The following PAPPA2 variants were observed in gnomAD, a reference collection of about 807,000 sequenced individuals.
PAPPA2 encodes pappalysin-2.
A neutral mutation model predicts 176.4 loss-of-function variants in PAPPA2; 86 were observed. The ratio of observed to expected loss-of-function variants is 0.49; its 90% CI spans 0.41 to 0.58. The LOEUF (loss-of-function observed/expected upper bound fraction) is 0.58, where lower values mean the gene tolerates loss of function less well. Ranked by LOEUF, PAPPA2 falls within the 20% of genes least tolerant of loss-of-function variation. PAPPA2 has a pLI of 0.00. For synonymous variants in PAPPA2, 809 were observed against 852.2 expected, an observed-to-expected ratio of 0.95 and a Z score of 0.88; for missense variants, 2,073 against 2,256.9, an observed-to-expected ratio of 0.92 and a Z score of 1.65.
chr1:176,616,897 T>C, intron 3 of PAPPA2: 1 of 424,592 alleles, frequency 2.4e-6, no homozygotes, highest in Non-Finnish European at 4.4e-6. Flanking sequence ...CCACTTGAAA[T>C]TCTCAGTGCT....
At chr1:176,699,035 G>C (rs1660516174) in intron 7 of PAPPA2, 65 bp from the exon 8 acceptor site, 1 of 1,524,062 alleles carries the variant, frequency 6.6e-7, no homozygotes, top group South Asian at 1.3e-5. Context: ...TGGCTGCTAA[G>C]GGCTACTCAT....
intron 2 of PAPPA2, among the ~76,000 whole-genome samples, chr1:176,592,020 A>C (rs1273612056): frequency 2.6e-5 from 4 of 152,214 alleles, no homozygotes; most frequent in Non-Finnish European, 5.9e-5. Context: ...ATAAGCTCTC[A>C]ATATGGCTTC....
intron 1 of PAPPA2, among the ~76,000 whole-genome samples, chr1:176,518,601 A>G (rs1172389525): frequency 1.3e-5 from 2 of 152,236 alleles, no homozygotes; most frequent in Admixed American, 1.3e-4. Flanking sequence ...TTTGAAATCC[A>G]ATCAAGGGTC....
intron 15 of PAPPA2, among the ~76,000 whole-genome samples, chr1:176,766,825 G>C (rs1663990027): frequency 1.3e-5 from 2 of 151,318 alleles, no homozygotes; most frequent in African/African-American, 4.8e-5. Flanking sequence ...TGGTGCTCGA[G>C]GAAAAAAACA....
chr1:176,789,662 T>C (rs960381353), intron 17 of PAPPA2, 147 bp from the exon 18 acceptor site: 12 of 735,772 alleles, frequency 1.6e-5, no homozygotes, highest in Non-Finnish European at 2.4e-5. Context: ...GATTTAGAAA[T>C]TAGCCTAGGA....
At chr1:176,827,610 G>T (rs1268470730) in intron 21 of PAPPA2, among the ~76,000 whole-genome samples, 1 of 152,120 alleles carries the variant, frequency 6.6e-6, no homozygotes, top group Non-Finnish European at 1.5e-5. Flanking sequence ...TCTGGGAACT[G>T]ACCTTCCATT....
chr1:176,536,926 T>A (rs1650096055), intron 1 of PAPPA2, among the ~76,000 whole-genome samples: 1 of 152,188 alleles, frequency 6.6e-6, no homozygotes, highest in South Asian at 2.1e-4. Context: ...AATCAGTTCA[T>A]AACCCTATGA....
intron 1 of PAPPA2, among the ~76,000 whole-genome samples, chr1:176,469,950 C>T (rs1651797387): frequency 6.6e-6 from 1 of 152,168 alleles, no homozygotes; most frequent in Admixed American, 6.5e-5. Flanking sequence ...GTTGATACTC[C>T]TTACATGCCT....
In PAPPA2 at chr1:176,721,600, T is replaced by A. The variant is rs1661621497; in HGVS notation, c.3798+9619T>A. 2.0e-5 allele frequency among the ~76,000 whole-genome samples: 3 copies of A among 152,220 alleles called. No homozygotes were observed. The South Asian group carries it at 6.2e-4, about 32-fold the overall frequency. On this transcript the variant is annotated intron_variant, in intron 12 of 22. Transcript: ENST00000367662. ...TCCTTTGGAAGATGTTATCCCGTTATCTTTTCACTTCCATATTTTGGAGAG... is the reference window on the plus strand; with the variant it reads ...TCCTTTGGAAGATGTTATCCCGTTAACTTTTCACTTCCATATTTTGGAGAG...
At chr1:176,518,452 TA>T (rs368157026) in intron 1 of PAPPA2, among the ~76,000 whole-genome samples, 6,936 of 121,548 alleles carry the variant, frequency 0.057, 308 homozygotes, top group African/African-American at 0.15. Flanking sequence ...GCTTGACAGG[TA>T]AAAAAAAAAA....
chr1:176,723,708 A>G (rs1266967917), intron 12 of PAPPA2, among the ~76,000 whole-genome samples: 2 of 152,142 alleles, frequency 1.3e-5, no homozygotes, highest in African/African-American at 2.4e-5. Context: ...AAATTCTATC[A>G]TTTTAGTCTA....
chr1:176,655,061 T>A (rs1285654689), intron 3 of PAPPA2, among the ~76,000 whole-genome samples: 1 of 151,862 alleles, frequency 6.6e-6, no homozygotes, highest in East Asian at 1.9e-4. Context: ...TGCCTGTTTT[T>A]TATTTTTCTT....
At chr1:176,537,162 C>G (rs796974705) in intron 1 of PAPPA2, 33 of 152,282 alleles carry the variant, frequency 2.2e-4, no homozygotes, top group African/African-American at 7.7e-4. Context: ...TCTCCTAGAC[C>G]TGGCTAATAA....
At chr1:176,471,514 A>G (rs1558388908) in intron 1 of PAPPA2, among the ~76,000 whole-genome samples, 1 of 152,218 alleles carries the variant, frequency 6.6e-6, no homozygotes, top group Non-Finnish European at 1.5e-5. Flanking sequence ...CACTCGGTTA[A>G]CCATCAACCA....
At chr1:176,607,936 G>A (rs1283929806) in intron 3 of PAPPA2, among the ~76,000 whole-genome samples, 3 of 151,954 alleles carry the variant, frequency 2.0e-5, no homozygotes, top group Admixed American at 6.6e-5. Context: ...ATTTTTAAAA[G>A]CATGTTAAAG....
chr1:176,623,610 C>CTTTCTTTCTTT (rs1558479000), intron 3 of PAPPA2, among the ~76,000 whole-genome samples: 32 of 95,600 alleles, frequency 3.3e-4, no homozygotes, highest in African/African-American at 1.4e-3. Flanking sequence ...TTCCTTCCTT[C>CTTTCTTTCTTT]CTTCCTTCCT....
At chr1:176,696,310 G>C (rs541294337) in intron 7 of PAPPA2, among the ~76,000 whole-genome samples, 1 of 149,646 alleles carries the variant, frequency 6.7e-6, no homozygotes, top group Non-Finnish European at 1.5e-5. Context: ...AAGTCTGGGT[G>C]GGGGTGGGGG....
intron 17 of PAPPA2, among the ~76,000 whole-genome samples, chr1:176,783,552 A>C (rs890748289): frequency 6.6e-6 from 1 of 152,226 alleles, no homozygotes; most frequent in Non-Finnish European, 1.5e-5. Flanking sequence ...TAAGTTCTGG[A>C]AATTGGGAAA....
chr1:176,641,175 G>A (rs1657066429), intron 3 of PAPPA2, among the ~76,000 whole-genome samples: 2 of 151,558 alleles, frequency 1.3e-5, no homozygotes, highest in South Asian at 2.1e-4. Flanking sequence ...CTTTTGCTGT[G>A]CAGAAGCTCT....
Sources: gnomAD v4.1 joint callset for allele counts (sites outside exome capture counted in the v4.1 genomes callset) on GRCh38, gnomAD v4.1.1 for gene constraint, MANE v1.5 for transcripts, NCBI Gene and HGNC (gene_info 2026-07-23, HGNC 2026-07-21) for gene names.